MZT2B: variants seen among roughly 807,000 people sequenced by gnomAD.
The protein encoded by MZT2B is mitotic spindle organizing protein 2B.
Under a neutral mutation model 12.1 loss-of-function variants are expected in MZT2B, and 11 were observed. The ratio of observed to expected loss-of-function variants is 0.91; its 90% CI spans 0.57 to 1.50. The LOEUF (loss-of-function observed/expected upper bound fraction) is 1.50. Ranked by LOEUF, MZT2B falls within the 40% of genes most tolerant of loss-of-function variation. The probability of loss-of-function intolerance (pLI) is 0.00; values close to 1 mark genes in which losing one functional copy is unlikely to be tolerated. For synonymous variants in MZT2B, 85 were observed against 109.5 expected (o/e 0.78, Z 1.40); for missense variants, 209 against 227.7 (o/e 0.92, Z 0.53).
chr2:130,184,477 T>G, intron 2 of MZT2B: 1 of 985,324 alleles, frequency 1.0e-6, no homozygotes, highest in Non-Finnish European at 1.2e-6. Flanking sequence ...CACTCCTGAG[T>G]TAGCACACTT....
chr2:130,193,925 T>G, downstream of MZT2B: 1 of 1,614,210 alleles, frequency 6.2e-7, no homozygotes, highest in Non-Finnish European at 8.5e-7. Context: ...ATGGCGAGGG[T>G]CACACTTGAC....
At chr2:130,195,084 T>G (rs1573771346), downstream of MZT2B, 1 of 1,612,918 alleles carries the variant, frequency 6.2e-7, no homozygotes, top group East Asian at 2.2e-5. Flanking sequence ...CTTACCAGTT[T>G]GCGGATCCGG....
chr2:130,195,991 T>G, the MZT2B span, among the ~76,000 whole-genome samples: 4 of 152,248 alleles, frequency 2.6e-5, no homozygotes, highest in Non-Finnish European at 5.9e-5. Context: ...ACAGACACTT[T>G]CATCACAAAC....
At chr2:130,202,248 C>A in the MZT2B span, 5 of 1,185,010 alleles carry the variant, frequency 4.2e-6, no homozygotes, top group South Asian at 5.6e-5. Flanking sequence ...TTCAATAAGT[C>A]AGCTAACAAC....
At chr2:130,193,861 G>A (rs769094132), downstream of MZT2B, 70 of 1,614,058 alleles carry the variant, frequency 4.3e-5, no homozygotes, top group Middle Eastern at 1.6e-4. Context: ...CCGCATTGAC[G>A]TCTTTGGGGA....
Position 130,190,692 on chromosome 2 carries a change from T to A in MZT2B, c.*66T>A. On this transcript the variant is annotated 3_prime_UTR_variant, in exon 3 of 3. Coordinates refer to ENST00000281871, the MANE Select transcript of MZT2B (RefSeq NM_025029.5). ...GCTACATGTTACCTCCTTCAATTGA[T>A]AATAAACCTTTCTGAGATGCAGAGG... The A allele has an allele frequency of 6.5e-7, 1 of 1,538,292 alleles. No individual in the cohort carries two copies. The highest frequency in any genetic ancestry group is 1.2e-5 in the South Asian group (1 of 81,360).
At chr2:130,202,139 T>C in the MZT2B span, among the ~76,000 whole-genome samples, 2 of 152,194 alleles carry the variant, frequency 1.3e-5, no homozygotes, top group African/African-American at 2.4e-5. Context: ...ATAATTGACT[T>C]GCAGTAAACA....
chr2:130,184,528 G>T (rs1478707495), intron 2 of MZT2B: 3 of 985,262 alleles, frequency 3.0e-6, no homozygotes, highest in Non-Finnish European at 3.6e-6. Context: ...CAGAGCCAGG[G>T]TCCTGTGAGA....
downstream of MZT2B, chr2:130,194,100 G>C: frequency 6.2e-7 from 1 of 1,614,210 alleles, no homozygotes; most frequent in Non-Finnish European, 8.5e-7. Flanking sequence ...TCCACATTCA[G>C]GGCCCCATCA....
the MZT2B span, chr2:130,202,431 A>C: frequency 3.9e-3 from 5,033 of 1,289,556 alleles, 163 homozygotes; most frequent in African/African-American, 0.07. Flanking sequence ...GAAGGAGGAC[A>C]TGCACAAGGT....
intron 2 of MZT2B, chr2:130,183,490 T>TC: frequency 1.9e-6 from 1 of 514,290 alleles, no homozygotes; most frequent in Non-Finnish European, 3.6e-6. Context: ...TGGTGGAGCC[T>TC]CTGTCCCTGC....
At chr2:130,195,433 A>G (rs927229329), downstream of MZT2B, among the ~76,000 whole-genome samples, 5 of 152,252 alleles carry the variant, frequency 3.3e-5, no homozygotes, top group African/African-American at 9.6e-5. Context: ...TACGACGTTA[A>G]ACTCAGCTTG....
At chr2:130,198,718 C>G in the MZT2B span, among the ~76,000 whole-genome samples, 3 of 117,878 alleles carry the variant, frequency 2.5e-5, no homozygotes, top group African/African-American at 6.9e-5. Context: ...TGCCTTGCTC[C>G]CAGTGTGCCA....
At chr2:130,190,395 G>C in intron 2 of MZT2B, 74 bp from the exon 3 acceptor site, 1 of 1,584,328 alleles carries the variant, frequency 6.3e-7, no homozygotes, top group Non-Finnish European at 8.6e-7. Flanking sequence ...TGTTGCCCAA[G>C]GACCACGAGT....
chr2:130,202,534 C>G, the MZT2B span: 1 of 1,141,306 alleles, frequency 8.8e-7, no homozygotes, highest in Non-Finnish European at 1.1e-6. Context: ...CTCCTTGGGA[C>G]TCCCACTCAT....
At chr2:130,185,075 C>T (rs112208220) in intron 2 of MZT2B, among the ~76,000 whole-genome samples, 7 of 151,994 alleles carry the variant, frequency 4.6e-5, no homozygotes, top group Admixed American at 3.3e-4. Flanking sequence ...TTTGGGAGGC[C>T]GAGGCGGGCG....
the MZT2B span, among the ~76,000 whole-genome samples, chr2:130,197,185 G>T: frequency 6.6e-6 from 1 of 152,104 alleles, no homozygotes; most frequent in Admixed American, 6.5e-5. Context: ...ACTGTCCTTT[G>T]GTGGTTTCTT....
At chr2:130,201,338 T>C in the MZT2B span, among the ~76,000 whole-genome samples, 6 of 152,306 alleles carry the variant, frequency 3.9e-5, no homozygotes, top group African/African-American at 1.4e-4. Context: ...ACAGCAGGGT[T>C]TTATTTTCTC....
Position 130,182,877 on chromosome 2 carries a change from G to C in MZT2B, c.319+102G>C, listed in dbSNP as rs1689825031. The C allele has an allele frequency of 2.0e-6, 3 of 1,468,518 alleles. No homozygotes were observed. In the African/African-American group the frequency reaches 4.3e-5, roughly 21 times the overall value. The allele number at this position is 1,468,518 out of a possible 1,614,324, so 91.0% of individuals were successfully genotyped here. On this transcript the variant is annotated intron_variant, in intron 2 of 2. Transcript: ENST00000281871. The stretch of plus-strand genomic sequence containing the variant: ...GGCGTGGCCCTGAGTGGCCAGGCCT[G>C]TCTGTCGGTCTAGGCCCAGCACCTG...
Sources: allele counts gnomAD v4.1 joint callset (sites outside exome capture counted in the v4.1 genomes callset), GRCh38; gene constraint gnomAD v4.1.1; transcripts MANE v1.5; gene names NCBI Gene and HGNC (gene_info 2026-07-23, HGNC 2026-07-21).